PDE6B: variants seen among roughly 807,000 people sequenced by gnomAD.
PDE6B encodes the protein phosphodiesterase 6B.
Under a neutral mutation model 109.0 loss-of-function variants are expected in PDE6B, and 106 were observed. The ratio of observed to expected loss-of-function variants is 0.97; its 90% CI spans 0.83 to 1.14. The LOEUF is 1.14. PDE6B is among the 50% of genes most tolerant of loss of function. PDE6B has a pLI of 0.00. For synonymous variants in PDE6B, 490 were observed against 471.3 expected (o/e 1.04, Z -0.51); for missense variants, 1,193 against 1,155.6 (o/e 1.03, Z -0.47).
Position 662,735 on chromosome 4 carries a change from ACTCCAG to A in PDE6B, c.1832+119_1832+124del. 1.3e-6 allele frequency: 1 copy of A among 744,006 alleles called. No individual in the cohort carries two copies. The allele number at this position is 744,006 out of a possible 1,614,324, so 46.1% of individuals were successfully genotyped here. The stretch of plus-strand genomic sequence containing the variant: ...AGTGGAGTCCACGGCCAGGCCCCGT[ACTCCAG>A]CACTGTGGGAGGCCAAGGCGAGGGG... On this transcript the variant is annotated intron_variant, in intron 14 of 21. Coordinates refer to ENST00000496514, the MANE Select transcript of PDE6B (RefSeq NM_000283.4). This position sits in a 1 kb window ranked among gnomAD's most constrained non-coding sequence, Gnocchi z 4.3.
At chr4:635,103 A>G (rs1404389663) in intron 2 of PDE6B, among the ~76,000 whole-genome samples, 2 of 68,996 alleles carry the variant, frequency 2.9e-5, no homozygotes, top group Admixed American at 1.6e-4. Context: ...CTGCCTCCTT[A>G]CCTGCCTGCC....
At chr4:654,700 C>T (rs562294439) in intron 5 of PDE6B, 124 bp from the exon 6 acceptor site, 197 of 781,622 alleles carry the variant, frequency 2.5e-4, no homozygotes, top group Middle Eastern at 1.7e-3. Flanking sequence ...TACACATGCA[C>T]GGTTACGTGT....
In PDE6B at chr4:663,938, G is replaced by T; in HGVS notation, c.2021+68G>T. On this transcript the variant is annotated intron_variant, in intron 16 of 21. Transcript: ENST00000496514. The surrounding 1 kb of genome is among the most constrained non-coding windows in gnomAD (Gnocchi z 4.0). Reference sequence around the variant, plus strand: ...TAGCCTGGGACCCCCGGCAGACACGGGGGCGCAGCGGCGGCACAGCCCGGG... The same window carrying T: ...TAGCCTGGGACCCCCGGCAGACACGTGGGCGCAGCGGCGGCACAGCCCGGG... 8.1e-7 allele frequency: 1 copy of T among 1,236,192 alleles called. No homozygotes were observed. The highest frequency in any genetic ancestry group is 2.6e-5 in the East Asian group (1 of 37,774). The allele number at this position is 1,236,192 out of a possible 1,614,324, so 76.6% of individuals were successfully genotyped here.
At chr4:640,651 G>T (rs1015002034) in intron 3 of PDE6B, among the ~76,000 whole-genome samples, 1 of 152,086 alleles carries the variant, frequency 6.6e-6, no homozygotes, top group African/African-American at 2.4e-5. Flanking sequence ...CTTATTGTCT[G>T]CTAGAGGTTG....
Position 633,449 on chromosome 4 carries a change from C to T in PDE6B, c.469-1228C>T, listed in dbSNP as rs79773693. Among the ~76,000 whole-genome samples the T allele has an allele frequency of 0.02, 3,003 of 152,226 alleles. 40 individuals are homozygous for T. Among genetic ancestry groups the T allele is most frequent in the Non-Finnish European group, 0.027 (1,847 of 67,986 alleles). On this transcript the variant is annotated intron_variant, in intron 1 of 21. Coordinates refer to ENST00000496514, the MANE Select transcript of PDE6B (RefSeq NM_000283.4). This position sits in a 1 kb window ranked among gnomAD's most constrained non-coding sequence, Gnocchi z 4.5. The stretch of plus-strand genomic sequence containing the variant: ...GCCATTTAGGAGCACGCTAGCACCT[C>T]GGCCAGCCCCCAGCAGGCTTCCTCT...
intron 3 of PDE6B, 38 bp from the exon 4 acceptor site, chr4:653,814 G>T: frequency 1.2e-6 from 2 of 1,611,742 alleles, no homozygotes; most frequent in African/African-American, 2.7e-5. Flanking sequence ...GTGAGGGTGG[G>T]AGTGGCCACA....
chr4:659,754 GGTGT>G (rs1736843295), intron 11 of PDE6B, among the ~76,000 whole-genome samples: 1 of 149,508 alleles, frequency 6.7e-6, no homozygotes, highest in Non-Finnish European at 1.5e-5. Flanking sequence ...GTGCACAGGG[GGTGT>G]GTATTGTGTG....
intron 3 of PDE6B, among the ~76,000 whole-genome samples, chr4:650,131 C>G (rs564297003): frequency 6.6e-6 from 1 of 152,104 alleles, no homozygotes; most frequent in Non-Finnish European, 1.5e-5. Flanking sequence ...ACGCTGGGCA[C>G]GGGCTTGGGG....
chr4:646,675 C>G (rs1735218766), intron 3 of PDE6B, among the ~76,000 whole-genome samples: 1 of 152,020 alleles, frequency 6.6e-6, no homozygotes, highest in Non-Finnish European at 1.5e-5. Flanking sequence ...GCTCCCGGCC[C>G]CCTTCCTCAG....
intron 1 of PDE6B, among the ~76,000 whole-genome samples, chr4:627,049 G>A (rs1030702211): frequency 6.6e-6 from 1 of 152,330 alleles, no homozygotes; most frequent in Middle Eastern, 3.4e-3. Context: ...TGCTGGATGA[G>A]CCTTGGGAAT....
At position 666,633 on chromosome 4, in the gene PDE6B, T is replaced by C; in HGVS notation, c.2352+19T>C. 1 of 1,562,748 alleles carries C rather than the reference T, an allele frequency of 6.4e-7. No individual in the cohort carries two copies. Among genetic ancestry groups the C allele is most frequent in the Non-Finnish European group, 8.8e-7 (1 of 1,133,662 alleles). On this transcript the variant is annotated intron_variant, in intron 20 of 21. Transcript: ENST00000496514. This position sits in a 1 kb window ranked among gnomAD's most constrained non-coding sequence, Gnocchi z 5.6. Reference sequence around the variant, plus strand: ...GTACAAGGCGAGTGGTTCACGGGTGTTCCGAGCTGACTGGGGCAGGGTGGC... The same window carrying C: ...GTACAAGGCGAGTGGTTCACGGGTGCTCCGAGCTGACTGGGGCAGGGTGGC...
Position 663,947 on chromosome 4 carries a change from C to A in PDE6B, c.2021+77C>A. The A allele has an allele frequency of 3.4e-6, 4 of 1,175,624 alleles. No individual in the cohort carries two copies. Among genetic ancestry groups the A allele is most frequent in the South Asian group, 1.4e-5 (1 of 73,280 alleles). 72.8% of individuals were successfully genotyped at this position (1,175,624 alleles called of 1,614,324 possible). Reference sequence around the variant, plus strand: ...ACCCCCGGCAGACACGGGGGCGCAGCGGCGGCACAGCCCGGGGGACGCAGC... The same window carrying A: ...ACCCCCGGCAGACACGGGGGCGCAGAGGCGGCACAGCCCGGGGGACGCAGC... On this transcript the variant is annotated intron_variant, in intron 16 of 21. Coordinates refer to ENST00000496514, the MANE Select transcript of PDE6B (RefSeq NM_000283.4). This position sits in a 1 kb window ranked among gnomAD's most constrained non-coding sequence, Gnocchi z 4.0.
intron 21 of PDE6B, 76 bp from the exon 22 acceptor site, chr4:669,970 A>G (rs994589405): frequency 5.6e-6 from 7 of 1,251,002 alleles, no homozygotes; most frequent in Non-Finnish European, 8.2e-6. Context: ...GGTAGAGGTC[A>G]CACCAGGCAG....
At position 666,459 on chromosome 4, in the gene PDE6B, CG is replaced by C; in HGVS notation, c.2269-66del. The C allele has an allele frequency of 3.1e-6, 3 of 954,948 alleles. No individual in the cohort carries two copies. The highest frequency in any genetic ancestry group is 3.4e-6 in the Non-Finnish European group (2 of 584,998). The allele number at this position is 954,948 out of a possible 1,614,324, so 59.2% of individuals were successfully genotyped here. ...CATGAGCACATCTGAGTGAGGGGGT[CG>C]GGGGGCTGGGCGGGGCCCCAGGAGC... On this transcript the variant is annotated intron_variant, in intron 19 of 21. Coordinates refer to ENST00000496514, the MANE Select transcript of PDE6B (RefSeq NM_000283.4). The surrounding 1 kb of genome is among the most constrained non-coding windows in gnomAD (Gnocchi z 5.6).
intron 3 of PDE6B, among the ~76,000 whole-genome samples, chr4:643,703 A>C (rs1735054775): frequency 6.6e-6 from 1 of 151,890 alleles, no homozygotes; most frequent in Non-Finnish European, 1.5e-5. Context: ...TGAGGCATAG[A>C]GTTGTCATAA....
chr4:656,870 G>T lies in PDE6B; in HGVS notation c.1108-4G>T. 6.2e-7 allele frequency: 1 copy of T among 1,612,580 alleles called. No homozygotes were observed. The highest frequency in any genetic ancestry group is 8.5e-7 in the Non-Finnish European group (1 of 1,179,810). ...GAGCTCAGCTCTGGACACCGCTCCC[G>T]CAGGAAGGGGCCCTGGACGACTCCG... On this transcript the variant is annotated splice_polypyrimidine_tract_variant and splice_region_variant and intron_variant, in intron 8 of 21. Coordinates refer to ENST00000496514, the MANE Select transcript of PDE6B (RefSeq NM_000283.4).
chr4:636,298 G>A lies in PDE6B; in HGVS notation c.711+329G>A, dbSNP rs1734676923. Among the ~76,000 whole-genome samples, 1 of 152,204 alleles carries A rather than the reference G, an allele frequency of 6.6e-6. No homozygotes were observed. Among genetic ancestry groups the A allele is most frequent in the Non-Finnish European group, 1.5e-5 (1 of 68,030 alleles). ...TGACGAGTGAGCAGGGAGCAGAGGG[G>A]CTCCCTGGCAGGTCCAGCCCTGGTT... On this transcript the variant is annotated intron_variant, in intron 3 of 21. Coordinates refer to ENST00000496514, the MANE Select transcript of PDE6B (RefSeq NM_000283.4). The surrounding 1 kb of genome is among the most constrained non-coding windows in gnomAD (Gnocchi z 4.5).
At position 670,191 on chromosome 4, in the gene PDE6B, A is replaced by G. The variant is rs756947084; in HGVS notation, c.*84A>G. On this transcript the variant is annotated 3_prime_UTR_variant, in exon 22 of 22. Transcript: ENST00000496514. ...TCTGCCTGTGGCTATTTGCTACAAG[A>G]GGTTAGGAAGCCCAAGAAAATGACT... The G allele has an allele frequency of 1.9e-6, 3 of 1,587,220 alleles. No individual in the cohort carries two copies. Among genetic ancestry groups the G allele is most frequent in the Non-Finnish European group, 2.6e-6 (3 of 1,161,240 alleles).
At chr4:629,854 GC>G (rs1734296446) in intron 1 of PDE6B, among the ~76,000 whole-genome samples, 1 of 152,180 alleles carries the variant, frequency 6.6e-6, no homozygotes, top group Non-Finnish European at 1.5e-5. Context: ...CCAGAGCGAG[GC>G]CCAGCTGCTC....
Sources: gnomAD v4.1 joint callset for allele counts (sites outside exome capture counted in the v4.1 genomes callset) on GRCh38, gnomAD v4.1.1 for gene constraint, Gnocchi (gnomAD v3.1) non-coding constraint, MANE v1.5 for transcripts, NCBI Gene and HGNC (gene_info 2026-07-23, HGNC 2026-07-21) for gene names.